The following HPCAL1 variants were observed in gnomAD, a reference collection of about 807,000 sequenced individuals.
HPCAL1 encodes the protein hippocalcin-like protein 1.
HPCAL1 carries 8 observed loss-of-function variants against 17.1 expected under a neutral mutation model. The ratio of observed to expected loss-of-function variants is 0.47; its 90% CI spans 0.27 to 0.84. HPCAL1 has a LOEUF of 0.84. Ranked by LOEUF, HPCAL1 falls within the 40% of genes least tolerant of loss-of-function variation. The pLI is 0.13. For synonymous variants in HPCAL1, 112 were observed against 111.4 expected, an observed-to-expected ratio of 1.01 and a Z score of -0.03; for missense variants, 165 against 271.1, an observed-to-expected ratio of 0.61 and a Z score of 2.75.
intron 1 of HPCAL1, among the ~76,000 whole-genome samples, chr2:10,374,169 T>C (rs1667400753): frequency 6.6e-6 from 1 of 151,564 alleles, no homozygotes; most frequent in Non-Finnish European, 1.5e-5. Flanking sequence ...CCCCCGAGTC[T>C]CGAATCCCCA....
intron 2 of HPCAL1, among the ~76,000 whole-genome samples, chr2:10,403,570 G>T (rs78662248): frequency 0.039 from 5,948 of 151,294 alleles, 391 homozygotes; most frequent in African/African-American, 0.14. Context: ...TGCAACCTCC[G>T]CCTCCCAGGT....
rs1010083725 is a variant in HPCAL1, at chr2:10,343,946, T to G, written c.-111+40769T>G. Among the ~76,000 whole-genome samples the G allele has an allele frequency of 1.3e-5, 2 of 152,068 alleles. No homozygotes were observed. Among genetic ancestry groups the G allele is most frequent in the African/African-American group, 4.8e-5 (2 of 41,412 alleles). On this transcript the variant is annotated intron_variant, in intron 1 of 4. Coordinates refer to ENST00000307845, the MANE Select transcript of HPCAL1 (RefSeq NM_002149.4). This position sits in a 1 kb window ranked among gnomAD's most constrained non-coding sequence, Gnocchi z 4.8. The stretch of plus-strand genomic sequence containing the variant: ...TCCATGCCTCCTGGGAGGCTGCACC[T>G]CTTGGGATATAGAGAACGCTGGCTT...
In HPCAL1 at chr2:10,331,380, C is replaced by T. The variant is rs1310888462; in HGVS notation, c.-111+28203C>T. On this transcript the variant is annotated intron_variant, in intron 1 of 4. Transcript: ENST00000307845. This position sits in a 1 kb window ranked among gnomAD's most constrained non-coding sequence, Gnocchi z 5.0. The stretch of plus-strand genomic sequence containing the variant: ...CCTCCTCCTGCGTTTCCTCCTGTCT[C>T]CCCGGGGAGCTCGGAGTTCTGCAGG... 6.6e-6 allele frequency among the ~76,000 whole-genome samples: 1 copy of T among 152,190 alleles called. No homozygotes were observed. The highest frequency in any genetic ancestry group is 1.5e-5 in the Non-Finnish European group (1 of 68,020).
At chr2:10,398,764 G>T (rs1669230098) in intron 2 of HPCAL1, among the ~76,000 whole-genome samples, 2 of 152,118 alleles carry the variant, frequency 1.3e-5, no homozygotes, top group Admixed American at 6.5e-5. Context: ...TTCTCCTTCC[G>T]CTTTCTCCTT....
chr2:10,318,559 G>A (rs527588356), intron 1 of HPCAL1, among the ~76,000 whole-genome samples: 4 of 152,316 alleles, frequency 2.6e-5, no homozygotes, highest in East Asian at 3.9e-4. Context: ...GGACATTGGC[G>A]ATGTGAGGAA....
intron 1 of HPCAL1, among the ~76,000 whole-genome samples, chr2:10,393,294 G>A (rs1179646080): frequency 6.6e-6 from 1 of 152,218 alleles, no homozygotes; most frequent in African/African-American, 2.4e-5. Flanking sequence ...AGAGCCAGGA[G>A]GAAATTTGCA....
In HPCAL1 at chr2:10,365,436, G is replaced by A. The variant is rs1666788961; in HGVS notation, c.-110-31399G>A. On this transcript the variant is annotated intron_variant, in intron 1 of 4. Transcript: ENST00000307845. The surrounding 1 kb of genome is among the most constrained non-coding windows in gnomAD (Gnocchi z 4.8). ...GCCAGCTATTTGAACGGACAGCCCG[G>A]AGTCTGTGCAGGAGTTGGAGGTAGA... Among the ~76,000 whole-genome samples the A allele has an allele frequency of 6.6e-6, 1 of 152,198 alleles. No individual in the cohort carries two copies. Among genetic ancestry groups the A allele is most frequent in the Non-Finnish European group, 1.5e-5 (1 of 68,024 alleles).
rs1460583547 is a variant in HPCAL1 at position 10,331,178 on chromosome 2, G to T, written c.-111+28001G>T. ...CAAGAGCCTGCAGAGGGCGGGGCGG[G>T]CTCTGGGGACAGCCTGGACTCTCCT... is the stretch of plus-strand genomic sequence containing the variant. On this transcript the variant is annotated intron_variant, in intron 1 of 4. Coordinates refer to ENST00000307845, the MANE Select transcript of HPCAL1 (RefSeq NM_002149.4). The surrounding 1 kb of genome is among the most constrained non-coding windows in gnomAD (Gnocchi z 5.0). Among the ~76,000 whole-genome samples, 1 of 152,126 alleles carries T rather than the reference G, an allele frequency of 6.6e-6. No homozygotes were observed.
chr2:10,424,236 C>A (rs1335929044), intron 4 of HPCAL1: 7 of 333,604 alleles, frequency 2.1e-5, no homozygotes, highest in Non-Finnish European at 4.2e-5. Context: ...TGTGGGGGAG[C>A]TGTAAGCAGC....
intron 1 of HPCAL1, among the ~76,000 whole-genome samples, chr2:10,361,672 G>A (rs989066963): frequency 5.9e-5 from 9 of 151,784 alleles, no homozygotes; most frequent in African/African-American, 1.7e-4. Context: ...CATAGTTCTC[G>A]AAAGCTTGCC....
chr2:10,367,695 A>ACC lies in HPCAL1; in HGVS notation c.-110-29138_-110-29137dup, dbSNP rs2125502293. ...CCTTGTCCCATATCACAGTCCCATGACCCACACTCCCATGGAAAGCCTTAG... is the reference window on the plus strand; with the variant it reads ...CCTTGTCCCATATCACAGTCCCATGACCCCCACACTCCCATGGAAAGCCTTAG... On this transcript the variant is annotated intron_variant, in intron 1 of 4. Coordinates refer to ENST00000307845, the MANE Select transcript of HPCAL1 (RefSeq NM_002149.4). The surrounding 1 kb of genome is among the most constrained non-coding windows in gnomAD (Gnocchi z 4.4). Among the ~76,000 whole-genome samples the ACC allele has an allele frequency of 6.6e-6, 1 of 152,252 alleles. No homozygotes were observed. The highest frequency in any genetic ancestry group is 1.9e-4 in the East Asian group (1 of 5,184).
Position 10,359,982 on chromosome 2 carries a change from C to T in HPCAL1, c.-110-36853C>T, listed in dbSNP as rs1413970036. Among the ~76,000 whole-genome samples, 2 of 151,834 alleles carry T rather than the reference C, an allele frequency of 1.3e-5. No individual in the cohort carries two copies. The highest frequency in any genetic ancestry group is 1.3e-4 in the Admixed American group (2 of 15,268). The stretch of plus-strand genomic sequence containing the variant: ...CAGGTTTGATGTGGGCTGAGCACAC[C>T]GTCACTAACTCATTCCTTCATTCAT... On this transcript the variant is annotated intron_variant, in intron 1 of 4. Transcript: ENST00000307845. This position sits in a 1 kb window ranked among gnomAD's most constrained non-coding sequence, Gnocchi z 4.1.
chr2:10,334,372 G>A (rs1302684915), intron 1 of HPCAL1, among the ~76,000 whole-genome samples: 1 of 151,942 alleles, frequency 6.6e-6, no homozygotes, highest in African/African-American at 2.4e-5. Context: ...GGTGGGTGCA[G>A]CATCATGTAC....
At chr2:10,387,662 C>T (rs1668403567) in intron 1 of HPCAL1, among the ~76,000 whole-genome samples, 1 of 152,196 alleles carries the variant, frequency 6.6e-6, no homozygotes, top group Non-Finnish European at 1.5e-5. Flanking sequence ...GGCCCCAACT[C>T]ATGTGACAGT....
At chr2:10,399,782 C>G (rs994843608) in intron 2 of HPCAL1, among the ~76,000 whole-genome samples, 1 of 152,168 alleles carries the variant, frequency 6.6e-6, no homozygotes, top group Non-Finnish European at 1.5e-5. Context: ...CACCTGCATA[C>G]TAAGGCTCGA....
chr2:10,347,289 C>T (rs1665532641), intron 1 of HPCAL1, among the ~76,000 whole-genome samples: 1 of 152,100 alleles, frequency 6.6e-6, no homozygotes, highest in African/African-American at 2.4e-5. Context: ...AGCCTGTCAT[C>T]CACACCAGGC....
chr2:10,413,769 C>T (rs920322133), intron 2 of HPCAL1, among the ~76,000 whole-genome samples: 1 of 152,232 alleles, frequency 6.6e-6, no homozygotes, highest in African/African-American at 2.4e-5. Context: ...GAACATAAAT[C>T]ACCGATCCAT....
intron 1 of HPCAL1, among the ~76,000 whole-genome samples, chr2:10,360,216 G>A (rs1227898644): frequency 6.6e-6 from 1 of 152,156 alleles, no homozygotes; most frequent in Non-Finnish European, 1.5e-5. Context: ...CAGGCAGCAG[G>A]CACCAGGAGC....
rs2125571199 is a variant in HPCAL1, at chr2:10,395,149, C to T, written c.-110-1686C>T. ...ACACACACACACACACACACACACA[C>T]ACACACACACTGCTATCTTAAAAGC... On this transcript the variant is annotated intron_variant, in intron 1 of 4. Coordinates refer to ENST00000307845, the MANE Select transcript of HPCAL1 (RefSeq NM_002149.4). The surrounding 1 kb of genome is among the most constrained non-coding windows in gnomAD (Gnocchi z 4.4). Among the ~76,000 whole-genome samples the T allele has an allele frequency of 7.0e-6, 1 of 142,170 alleles. No homozygotes were observed. Among genetic ancestry groups the T allele is most frequent in the Admixed American group, 6.9e-5 (1 of 14,440 alleles). The allele number at this position is 142,170 out of a possible 152,430, so 93.3% of individuals were successfully genotyped here. A position where few individuals can be genotyped will look rare whatever the true frequency, so the allele number is the denominator to read the frequency against.
Sources: gnomAD v4.1 joint callset for allele counts (sites outside exome capture counted in the v4.1 genomes callset) on GRCh38, gnomAD v4.1.1 for gene constraint, Gnocchi (gnomAD v3.1) non-coding constraint, MANE v1.5 for transcripts, NCBI Gene and HGNC (gene_info 2026-07-23, HGNC 2026-07-21) for gene names.